Variants in VAV2 observed in about 807,000 individuals in gnomAD.
VAV2 encodes guanine nucleotide exchange factor VAV2.
A neutral mutation model predicts 132.5 loss-of-function variants in VAV2; 67 were observed. The ratio of observed to expected loss-of-function variants is 0.51; its 90% confidence interval spans 0.42 to 0.62. The LOEUF is 0.62. Among genes scored for constraint, VAV2 ranks in the 20% least tolerant of loss-of-function variants. VAV2 has a pLI of 0.00. For missense variants in VAV2, 938 were observed against 1,153.6 expected (o/e 0.81, Z 2.71); for synonymous variants, 492 against 443.5 (o/e 1.11, Z -1.37).
chr9:133,864,761 G>A (rs889701230), intron 2 of VAV2, among the ~76,000 whole-genome samples: 3 of 152,334 alleles, frequency 2.0e-5, no homozygotes, highest in South Asian at 2.1e-4. Flanking sequence ...CAAAGCCTGC[G>A]GGAAGCCAGG....
At position 133,884,899 on chromosome 9, in the gene VAV2, G is replaced by A. The variant is rs1423584491; in HGVS notation, c.322-23467C>T. On this transcript the variant is annotated intron_variant, in intron 2 of 29. Coordinates refer to ENST00000371850, the MANE Select transcript of VAV2 (RefSeq NM_001134398.2). This position sits in a 1 kb window ranked among gnomAD's most constrained non-coding sequence, Gnocchi z 5.3. ...CACTCAGCCAGAGGGGCGCAGCGCT[G>A]TCCACAACTCACACCCTCAGCCCCA... Among the ~76,000 whole-genome samples, 5 of 152,110 alleles carry A rather than the reference G, an allele frequency of 3.3e-5. No individual in the cohort carries two copies. The highest frequency in any genetic ancestry group is 1.2e-4 in the African/African-American group (5 of 41,422).
At chr9:133,820,211 A>G (rs1026247632) in intron 4 of VAV2, among the ~76,000 whole-genome samples, 8 of 152,230 alleles carry the variant, frequency 5.3e-5, no homozygotes, top group African/African-American at 1.7e-4. Context: ...CACTTGGGGA[A>G]ACAAGCTCTG....
intron 1 of VAV2, among the ~76,000 whole-genome samples, chr9:133,965,184 G>GAATAAAAAAAA (rs1417756136): frequency 1.3e-5 from 2 of 151,474 alleles, no homozygotes; most frequent in Non-Finnish European, 2.9e-5. Context: ...TGGACTAGCA[G>GAATAAAAAAAA]AATAAAAAAA....
In VAV2 at chr9:133,928,244, T is replaced by A. The variant is rs1408943171; in HGVS notation, c.321+10859A>T. ...GTGCATGTGTGTGTCTGTGCCCATG[T>A]GCAGCATATCTGGTTGTCAAGTTCA... is the stretch of plus-strand genomic sequence containing the variant. On this transcript the variant is annotated intron_variant, in intron 2 of 29. Transcript: ENST00000371850. The surrounding 1 kb of genome is among the most constrained non-coding windows in gnomAD (Gnocchi z 5.4). Among the ~76,000 whole-genome samples the A allele has an allele frequency of 6.6e-6, 1 of 152,116 alleles. No homozygotes were observed. The highest frequency in any genetic ancestry group is 1.5e-5 in the Non-Finnish European group (1 of 68,020).
intron 12 of VAV2, among the ~76,000 whole-genome samples, chr9:133,793,181 G>A (rs1231192795): frequency 6.6e-6 from 1 of 152,162 alleles, no homozygotes; most frequent in Non-Finnish European, 1.5e-5. Flanking sequence ...CCAGAGAGCA[G>A]TGCCCACTTC....
At position 133,923,566 on chromosome 9, in the gene VAV2, A is replaced by G. The variant is rs958469159; in HGVS notation, c.321+15537T>C. ...GGTGGGAGTGTAAATTGGTTCAACC[A>G]TTGTGGAAGACTGTGGCGATTCCTC... is the stretch of plus-strand genomic sequence containing the variant. On this transcript the variant is annotated intron_variant, in intron 2 of 29. Coordinates refer to ENST00000371850, the MANE Select transcript of VAV2 (RefSeq NM_001134398.2). Among the ~76,000 whole-genome samples the G allele has an allele frequency of 2.0e-5, 3 of 152,198 alleles. No homozygotes were observed. The East Asian group carries it at 5.8e-4, about 29-fold the overall frequency.
intron 4 of VAV2, among the ~76,000 whole-genome samples, chr9:133,814,508 G>T (rs116990715): frequency 0.029 from 4,437 of 152,392 alleles, 90 homozygotes; most frequent in Middle Eastern, 0.065. Context: ...GAGGGCAGAT[G>T]AGGCCACTCA....
At position 133,926,304 on chromosome 9, in the gene VAV2, G is replaced by A. The variant is rs548405204; in HGVS notation, c.321+12799C>T. On this transcript the variant is annotated intron_variant, in intron 2 of 29. Transcript: ENST00000371850. The surrounding 1 kb of genome is among the most constrained non-coding windows in gnomAD (Gnocchi z 4.3). ...GCTGCTGCCACCACTGCCACCCAGA[G>A]GCCCCTCTTCCCAGAGCCAAGTCCT... 9.8e-5 allele frequency: 15 copies of A among 152,688 alleles called. No individual in the cohort carries two copies. In the South Asian group the frequency reaches 3.1e-3, roughly 32 times the overall value. The allele number at this position is 152,688 out of a possible 1,614,324, so 9.5% of individuals were successfully genotyped here.
intron 9 of VAV2, among the ~76,000 whole-genome samples, 179 bp from the exon 10 acceptor site, chr9:133,797,988 G>A (rs1338370575): frequency 6.6e-6 from 1 of 152,204 alleles, no homozygotes; most frequent in African/African-American, 2.4e-5. Context: ...CCTTCCCGAA[G>A]CTACCGGGCC....
At chr9:133,964,046 T>TATATATATATATAC (rs1329697826) in intron 1 of VAV2, among the ~76,000 whole-genome samples, 6 of 87,880 alleles carry the variant, frequency 6.8e-5, no homozygotes, top group African/African-American at 2.2e-4. Flanking sequence ...TATATATATA[T>TATATATATATATAC]ATACATATAT....
intron 4 of VAV2, among the ~76,000 whole-genome samples, chr9:133,822,051 T>C (rs980501729): frequency 1.3e-5 from 2 of 152,028 alleles, no homozygotes; most frequent in Non-Finnish European, 2.9e-5. Context: ...CCTGCCACCT[T>C]CACCTTCTGC....
chr9:133,881,840 C>G (rs543490754), intron 2 of VAV2, among the ~76,000 whole-genome samples: 7 of 152,320 alleles, frequency 4.6e-5, no homozygotes, highest in African/African-American at 1.4e-4. Context: ...TTCAGTGGCC[C>G]CGGCTGGCAT....
At chr9:133,916,045 TCACACACAATGCACATG>T (rs1840078422) in intron 2 of VAV2, among the ~76,000 whole-genome samples, 1 of 150,178 alleles carries the variant, frequency 6.7e-6, no homozygotes, top group Admixed American at 6.6e-5. Context: ...CCATGCACAC[TCACACACAATGCACATG>T]CACACAAGAT....
intron 2 of VAV2, among the ~76,000 whole-genome samples, chr9:133,933,816 ATGGATGAG>A (rs1411486215): frequency 7.2e-6 from 1 of 139,526 alleles, no homozygotes. Flanking sequence ...TGATGGATGA[ATGGATGAG>A]TGGATGGATG....
In VAV2 at chr9:133,795,884, G is replaced by A. The variant is rs999387315; in HGVS notation, c.1033-148C>T. On this transcript the variant is annotated intron_variant, in intron 11 of 29. Coordinates refer to ENST00000371850, the MANE Select transcript of VAV2 (RefSeq NM_001134398.2). Reference sequence around the variant, plus strand: ...CCAGCCAGGCTGGGTTTGGCTGCCCGACACCAAAGGACAGAGAGTGACTCC... The same window carrying A: ...CCAGCCAGGCTGGGTTTGGCTGCCCAACACCAAAGGACAGAGAGTGACTCC... 1.0e-4 allele frequency: 74 copies of A among 738,074 alleles called. No homozygotes were observed. In the Admixed American group the frequency reaches 1.2e-3, roughly 12 times the overall value. The allele number at this position is 738,074 out of a possible 1,614,324, so 45.7% of individuals were successfully genotyped here. A position where few individuals can be genotyped will look rare whatever the true frequency, so the allele number is the denominator to read the frequency against.
chr9:133,806,093 T>C lies in VAV2; in HGVS notation c.824A>G (p.Asp275Gly), dbSNP rs1202807126. ...GGCAGCCACTCACCTTTCCTTGAAA[T>C]CGAGGAAGACCTTGGCCAGCGTGCT... ...GGSTLAKVFL[D>G]FKERLLIYGE... The change falls in exon 9 of 30, where the codon GAT becomes GGT. Residue 275 changes from aspartate to glycine, a missense_variant. Coordinates refer to ENST00000371850, the MANE Select transcript of VAV2 (RefSeq NM_001134398.2). 5.6e-6 allele frequency: 9 copies of C among 1,612,634 alleles called. No individual in the cohort carries two copies. In the Admixed American group the frequency reaches 1.5e-4, roughly 27 times the overall value.
At chr9:133,950,503 G>A (rs1361694775) in intron 1 of VAV2, among the ~76,000 whole-genome samples, 2 of 152,200 alleles carry the variant, frequency 1.3e-5, no homozygotes, top group African/African-American at 4.8e-5. Context: ...GTGGGTTTAA[G>A]CCAAGGCGGG....
chr9:133,926,642 C>T lies in VAV2; in HGVS notation c.321+12461G>A, dbSNP rs1840490360. Among the ~76,000 whole-genome samples, 1 of 152,206 alleles carries T rather than the reference C, an allele frequency of 6.6e-6. No homozygotes were observed. Among genetic ancestry groups the T allele is most frequent in the Admixed American group, 6.5e-5 (1 of 15,290 alleles). On this transcript the variant is annotated intron_variant, in intron 2 of 29. Coordinates refer to ENST00000371850, the MANE Select transcript of VAV2 (RefSeq NM_001134398.2). This position sits in a 1 kb window ranked among gnomAD's most constrained non-coding sequence, Gnocchi z 4.3. ...CCCCTGAGACCTCCCATACCACCACCTTCACCTGGTGAACTGCAGCTCACA... is the reference window on the plus strand; with the variant it reads ...CCCCTGAGACCTCCCATACCACCACTTTCACCTGGTGAACTGCAGCTCACA...
At chr9:133,851,199 G>A (rs529722823) in intron 3 of VAV2, among the ~76,000 whole-genome samples, 10 of 152,294 alleles carry the variant, frequency 6.6e-5, no homozygotes, top group African/African-American at 2.2e-4. Flanking sequence ...GCCATGTGTC[G>A]CATGGAAAGT....
Sources: gnomAD v4.1 joint callset for allele counts (sites outside exome capture counted in the v4.1 genomes callset) on GRCh38, gnomAD v4.1.1 for gene constraint, Gnocchi (gnomAD v3.1) non-coding constraint, MANE v1.5 for transcripts, NCBI Gene and HGNC (gene_info 2026-07-23, HGNC 2026-07-21) for gene names.